DNAH1: variants seen among roughly 807,000 people sequenced by gnomAD.
DNAH1 encodes axonemal beta dynein heavy chain 1.
A neutral mutation model predicts 484.3 loss-of-function variants in DNAH1; 327 were observed. The observed-to-expected ratio is 0.68, with a 90% CI of 0.62 to 0.74. The LOEUF (loss-of-function observed/expected upper bound fraction) is 0.74, where lower values mean the gene tolerates loss of function less well. Among genes scored for constraint, DNAH1 ranks in the 30% least tolerant of loss-of-function variants. The probability of loss-of-function intolerance (pLI) is 0.00; values close to 1 mark genes in which losing one functional copy is unlikely to be tolerated. For synonymous variants in DNAH1, 2,192 were observed against 2,191.9 expected (o/e 1.00, Z 0.00); for missense variants, 5,052 against 5,546.8 (o/e 0.91, Z 2.83).
At position 52,366,714 on chromosome 3, in the gene DNAH1, C is replaced by T. The variant is rs769298390; in HGVS notation, c.5611-19C>T. The T allele has an allele frequency of 6.4e-5, 103 of 1,600,212 alleles. No homozygotes were observed. Among genetic ancestry groups the T allele is most frequent in the Non-Finnish European group, 7.9e-5 (92 of 1,170,584 alleles). ...CCCTGCTCTCTGGGAGCCTCACTCTCAGGCGGTCCGTCTCCCAGTGTTACA... is the reference window on the plus strand; with the variant it reads ...CCCTGCTCTCTGGGAGCCTCACTCTTAGGCGGTCCGTCTCCCAGTGTTACA... On this transcript the variant is annotated intron_variant, in intron 35 of 77. Transcript: ENST00000420323.
Position 52,393,129 on chromosome 3 carries a change from C to A in DNAH1, c.10474+104C>A. On this transcript the variant is annotated intron_variant, in intron 65 of 77. Coordinates refer to ENST00000420323, the MANE Select transcript of DNAH1 (RefSeq NM_015512.5). ...ACTCACAACTGTGTTCACTGGCGTA[C>A]ACTCTCCTCTTAGACTCACAATACA... 5 of 1,463,354 alleles carry A rather than the reference C, an allele frequency of 3.4e-6. 1 individual carries two copies. In the South Asian group the frequency reaches 6.2e-5, roughly 18 times the overall value. 90.6% of individuals were successfully genotyped at this position (1,463,354 alleles called of 1,614,324 possible).
rs1559560063 is a variant in DNAH1 at position 52,386,140 on chromosome 3, C to T, written c.8626-20C>T. 1 of 1,603,726 alleles carries T rather than the reference C, an allele frequency of 6.2e-7. No homozygotes were observed. The highest frequency in any genetic ancestry group is 8.5e-7 in the Non-Finnish European group (1 of 1,173,524). ...AGAAGAGAAAAGGGGGGAGGACATC[C>T]CTATGTCTCCCATCCCCAGGTGGAT... is the stretch of plus-strand genomic sequence containing the variant. On this transcript the variant is annotated intron_variant, in intron 54 of 77. Transcript: ENST00000420323.
At chr3:52,374,807 A>T in intron 44 of DNAH1, 1 of 1,058,608 alleles carries the variant, frequency 9.4e-7, no homozygotes. Flanking sequence ...AAGCAGAGAA[A>T]CTAAAAGAGA....
intron 46 of DNAH1, among the ~76,000 whole-genome samples, chr3:52,377,849 T>C (rs1703670886): frequency 6.6e-6 from 1 of 152,092 alleles, no homozygotes; most frequent in African/African-American, 2.4e-5. Flanking sequence ...GCTGCAGGGC[T>C]GCCCGTAGCC....
intron 8 of DNAH1, among the ~76,000 whole-genome samples, chr3:52,338,106 T>G (rs980546864): frequency 1.4e-4 from 22 of 152,122 alleles, no homozygotes; most frequent in Admixed American, 1.4e-3. Flanking sequence ...ACTTAATTAA[T>G]TAATTTATTT....
chr3:52,341,401 GA>G (rs1701934644), intron 8 of DNAH1, among the ~76,000 whole-genome samples: 1 of 152,132 alleles, frequency 6.6e-6, no homozygotes, highest in South Asian at 2.1e-4. Flanking sequence ...GGGTATAATA[GA>G]AGAAGCAGCT....
intron 75 of DNAH1, 125 bp downstream of exon 75, chr3:52,398,287 T>C (rs1704730583): frequency 1.7e-6 from 2 of 1,187,386 alleles, no homozygotes; most frequent in South Asian, 1.7e-5. Flanking sequence ...CAGCTATTTT[T>C]TGTTGTTGTT....
Position 52,391,310 on chromosome 3 carries a change from G to A in DNAH1, c.9873G>A (p.Glu3291=). 2 of 1,611,078 alleles carry A rather than the reference G, an allele frequency of 1.2e-6. No individual in the cohort carries two copies. The highest frequency in any genetic ancestry group is 1.7e-6 in the Non-Finnish European group (2 of 1,178,620). Residue 3291 remains glutamate, a synonymous_variant, in exon 62 of 78, where the codon GAG becomes GAA. Transcript: ENST00000420323. ...NVGEELDPAL[E]PVLLKQTYKQ... is the part of the protein sequence containing the mutation. Reference sequence around the variant, plus strand: ...GCGAGGAGCTAGACCCAGCCCTGGAGCCAGTGCTGCTCAAGCAGGTGGGTC... The same window carrying A: ...GCGAGGAGCTAGACCCAGCCCTGGAACCAGTGCTGCTCAAGCAGGTGGGTC...
chr3:52,370,255 T>C, intron 39 of DNAH1, 26 bp downstream of exon 39: 1 of 1,609,788 alleles, frequency 6.2e-7, no homozygotes, highest in South Asian at 1.1e-5. Context: ...TGGGGCTAGA[T>C]GCACCTGGTC....
At position 52,368,804 on chromosome 3, in the gene DNAH1, G is replaced by C. The variant is rs1488730863; in HGVS notation, c.5829G>C (p.Lys1943Asn). The C allele has an allele frequency of 1.9e-6, 3 of 1,613,992 alleles. No homozygotes were observed. In the Admixed American group the frequency reaches 5.0e-5, roughly 27 times the overall value. Reference sequence around the variant, plus strand: ...CCATCACCTCCGACACCAACAAGAAGTGGTACATGTTCGATGGGCCGGTGG... The same window carrying C: ...CCATCACCTCCGACACCAACAAGAACTGGTACATGTTCGATGGGCCGGTGG... ...AGAITSDTNK[K>N]WYMFDGPVDA... Residue 1943 changes from lysine to asparagine, a missense_variant, in exon 37 of 78, where the codon AAG (lysine) becomes AAC (asparagine). Physicochemically the swap from Lys to Asn is moderately conservative, Grantham distance 94. Transcript: ENST00000420323. This position sits in a 1 kb window ranked among gnomAD's most constrained non-coding sequence, Gnocchi z 4.4.
intron 34 of DNAH1, among the ~76,000 whole-genome samples, chr3:52,365,725 C>T (rs1703045337): frequency 6.6e-6 from 1 of 152,276 alleles, no homozygotes; most frequent in South Asian, 2.1e-4. Context: ...AGGCCCTTCT[C>T]GGGACCCTAG....
chr3:52,363,639 C>T (rs964996557), intron 32 of DNAH1, among the ~76,000 whole-genome samples: 6 of 152,200 alleles, frequency 3.9e-5, no homozygotes, highest in Non-Finnish European at 5.9e-5. Context: ...AGCTTGGTTC[C>T]CAAACAGGCC....
intron 50 of DNAH1, among the ~76,000 whole-genome samples, chr3:52,382,927 C>T (rs1373397949): frequency 6.6e-6 from 1 of 152,236 alleles, no homozygotes; most frequent in Non-Finnish European, 1.5e-5. Flanking sequence ...CCTGAATGTG[C>T]CCCATCCTAG....
intron 1 of DNAH1, 127 bp downstream of exon 1, chr3:52,316,672 T>C (rs1341952766): frequency 1.3e-5 from 2 of 152,282 alleles, no homozygotes; most frequent in Non-Finnish European, 2.9e-5. Flanking sequence ...AGGTTCCTCA[T>C]GGCCTGGCCT....
chr3:52,331,113 G>T, intron 6 of DNAH1, 35 bp from the exon 7 acceptor site: 2 of 1,557,172 alleles, frequency 1.3e-6, no homozygotes, highest in South Asian at 1.2e-5. Context: ...CCCCCATGGC[G>T]GGGGGCACTG....
chr3:52,327,463 G>T (rs1485195450), intron 5 of DNAH1, among the ~76,000 whole-genome samples: 1 of 152,108 alleles, frequency 6.6e-6, no homozygotes, highest in Admixed American at 6.5e-5. Context: ...CCTCCTGACA[G>T]CCCCGAATCT....
At chr3:52,324,565 C>T (rs1357349078) in intron 3 of DNAH1, among the ~76,000 whole-genome samples, 7 of 152,128 alleles carry the variant, frequency 4.6e-5, no homozygotes, top group Admixed American at 2.0e-4. Flanking sequence ...CCTGTCCGCC[C>T]CTCCTCCCCA....
intron 8 of DNAH1, among the ~76,000 whole-genome samples, chr3:52,334,567 T>C (rs1193598680): frequency 6.6e-6 from 1 of 152,064 alleles, no homozygotes; most frequent in Non-Finnish European, 1.5e-5. Flanking sequence ...GGTGGGTGGA[T>C]TGATTGAGGC....
chr3:52,374,036 G>T (rs887856475), intron 44 of DNAH1: 54 of 1,022,600 alleles, frequency 5.3e-5, no homozygotes, highest in Middle Eastern at 2.5e-4. Flanking sequence ...GAAATATATT[G>T]ATCAGAAGTT....
Sources: allele counts gnomAD v4.1 joint callset (sites outside exome capture counted in the v4.1 genomes callset), GRCh38; gene constraint gnomAD v4.1.1; non-coding constraint Gnocchi (gnomAD v3.1); transcripts MANE v1.5; gene names NCBI Gene and HGNC (gene_info 2026-07-23, HGNC 2026-07-21).